Variants in ARHGAP18 observed in about 807,000 individuals in gnomAD.
The protein encoded by ARHGAP18 is Rho GTPase activating protein 18, also known as rho GTPase-activating protein 18.
A neutral mutation model predicts 86.2 loss-of-function variants in ARHGAP18; 67 were observed. The observed-to-expected ratio is 0.78, with a 90% confidence interval of 0.64 to 0.95. The LOEUF (loss-of-function observed/expected upper bound fraction) is 0.95. Ranked by LOEUF, ARHGAP18 falls within the 40% of genes least tolerant of loss-of-function variation. The pLI is 0.00. For synonymous variants in ARHGAP18, 283 were observed against 280.4 expected (o/e 1.01, Z -0.09); for missense variants, 691 against 780.4 (o/e 0.89, Z 1.37).
At chr6:129,632,102 C>A (rs1388045928) in intron 4 of ARHGAP18, among the ~76,000 whole-genome samples, 1 of 152,082 alleles carries the variant, frequency 6.6e-6, no homozygotes, top group East Asian at 1.9e-4. Context: ...CAGAAACAGC[C>A]CCACTTTTGA....
At chr6:129,707,322 G>C (rs1562731652) in intron 1 of ARHGAP18, among the ~76,000 whole-genome samples, 2 of 151,952 alleles carry the variant, frequency 1.3e-5, no homozygotes, top group Admixed American at 6.6e-5. Context: ...TTCATCTCAT[G>C]AACTAAATAT....
At chr6:129,618,887 CA>C (rs781448885) in intron 5 of ARHGAP18, 35 bp from the exon 6 acceptor site, 1 of 1,581,930 alleles carries the variant, frequency 6.3e-7, no homozygotes, top group Non-Finnish European at 8.6e-7. Context: ...TAAAAGCTTA[CA>C]GTACCTAACC....
At chr6:129,662,688 A>G (rs986746945) in intron 1 of ARHGAP18, among the ~76,000 whole-genome samples, 1 of 152,204 alleles carries the variant, frequency 6.6e-6, no homozygotes, top group South Asian at 2.1e-4. Context: ...AAATCAGGGT[A>G]CCTACAGCTC....
At chr6:129,625,837 TTTATATA>T (rs1261467782) in intron 5 of ARHGAP18, among the ~76,000 whole-genome samples, 4 of 80,740 alleles carry the variant, frequency 5.0e-5, no homozygotes, top group Non-Finnish European at 9.0e-5. Context: ...ATATTATACA[TTTATATA>T]TTATATATTA....
intron 10 of ARHGAP18, among the ~76,000 whole-genome samples, chr6:129,601,089 T>C (rs1184567692): frequency 6.6e-6 from 1 of 152,134 alleles, no homozygotes. Context: ...GGCACATAGC[T>C]GAACTAGGGA....
intron 1 of ARHGAP18, among the ~76,000 whole-genome samples, chr6:129,680,297 C>G (rs1023077462): frequency 7.2e-5 from 11 of 152,200 alleles, no homozygotes; most frequent in Admixed American, 5.9e-4. Context: ...AGAGCATTTA[C>G]AGTTCTGCTC....
At chr6:129,694,290 AG>A (rs1441650173) in intron 1 of ARHGAP18, among the ~76,000 whole-genome samples, 1 of 152,232 alleles carries the variant, frequency 6.6e-6, no homozygotes, top group African/African-American at 2.4e-5. Context: ...CAAATTGCCT[AG>A]GTCTAAATCT....
chr6:129,648,282 C>T (rs1388040471), intron 1 of ARHGAP18, among the ~76,000 whole-genome samples: 2 of 151,822 alleles, frequency 1.3e-5, no homozygotes, highest in East Asian at 4.0e-4. Context: ...GCGATCCTCC[C>T]AACTTAGCCT....
chr6:129,609,192 G>A (rs1788925926), intron 8 of ARHGAP18, among the ~76,000 whole-genome samples: 1 of 151,628 alleles, frequency 6.6e-6, no homozygotes, highest in Non-Finnish European at 1.5e-5. Context: ...GGAGGGAGAG[G>A]GAGAGAGAAT....
intron 1 of ARHGAP18, among the ~76,000 whole-genome samples, chr6:129,706,415 AG>A (rs1774803146): frequency 6.6e-6 from 1 of 152,220 alleles, no homozygotes; most frequent in Non-Finnish European, 1.5e-5. Context: ...AAAGAAAAAC[AG>A]GATTCTATAA....
At chr6:129,667,802 G>C (rs1228296912) in intron 1 of ARHGAP18, among the ~76,000 whole-genome samples, 1 of 152,080 alleles carries the variant, frequency 6.6e-6, no homozygotes, top group Non-Finnish European at 1.5e-5. Flanking sequence ...TTGGCCAAGA[G>C]GAGGAAGGTT....
chr6:129,675,687 T>A (rs1338466586), intron 1 of ARHGAP18, among the ~76,000 whole-genome samples: 1 of 152,184 alleles, frequency 6.6e-6, no homozygotes, highest in East Asian at 1.9e-4. Context: ...TTCCCAGCCC[T>A]AAGACATTAT....
At chr6:129,590,490 G>T (rs1238350825) in intron 12 of ARHGAP18, among the ~76,000 whole-genome samples, 1 of 152,094 alleles carries the variant, frequency 6.6e-6, no homozygotes, top group African/African-American at 2.4e-5. Flanking sequence ...TACACAGGCT[G>T]GTTTTTGCCA....
At chr6:129,650,280 C>G (rs1174527469) in intron 1 of ARHGAP18, among the ~76,000 whole-genome samples, 1 of 151,878 alleles carries the variant, frequency 6.6e-6, no homozygotes, top group Non-Finnish European at 1.5e-5. Flanking sequence ...ACCACCAGGT[C>G]TTGTAGAAAA....
At chr6:129,656,651 TAATAAAA>T (rs1280006642) in intron 1 of ARHGAP18, among the ~76,000 whole-genome samples, 2 of 142,036 alleles carry the variant, frequency 1.4e-5, no homozygotes, top group Admixed American at 1.4e-4. Flanking sequence ...CTCAAAAAAA[TAATAAAA>T]AATAAAAAAT....
chr6:129,710,083 G>A lies in ARHGAP18; in HGVS notation c.54C>T (p.Ser18=), dbSNP rs767275285. 1.5e-5 allele frequency: 25 copies of A among 1,613,966 alleles called. No individual in the cohort carries two copies. The African/African-American group carries it at 3.2e-4, about 21-fold the overall frequency. ...QGVVLTAYHP[S]GKDQTVGNSH... ...TGTTCCCGACGGTCTGGTCCTTGCCGCTGGGGTGGTAGGCTGTTAGTACCA... is the reference window on the plus strand; with the variant it reads ...TGTTCCCGACGGTCTGGTCCTTGCCACTGGGGTGGTAGGCTGTTAGTACCA... Residue 18 remains serine (S), a synonymous_variant, in exon 1 of 15, where the codon AGC becomes AGT. Transcript: ENST00000368149.
At chr6:129,627,681 G>A (rs973699499) in intron 5 of ARHGAP18, among the ~76,000 whole-genome samples, 4 of 151,862 alleles carry the variant, frequency 2.6e-5, no homozygotes, top group African/African-American at 9.7e-5. Flanking sequence ...GAAAGAGAGA[G>A]AGGGAGAGAG....
At chr6:129,658,738 T>C (rs892321293) in intron 1 of ARHGAP18, among the ~76,000 whole-genome samples, 1 of 152,194 alleles carries the variant, frequency 6.6e-6, no homozygotes, top group Non-Finnish European at 1.5e-5. Context: ...AAGAGAATCA[T>C]CTCAAAAACA....
rs563560486 is a variant in ARHGAP18 at position 129,587,589 on chromosome 6, C to T, written c.1714-3477G>A. On this transcript the variant is annotated intron_variant, in intron 12 of 14. Transcript: ENST00000368149. ...AATCATGGCAGAAGGCACCTCTTCACAGGACAGCAGGAGAGAGAAATGTCA... is the reference window on the plus strand; with the variant it reads ...AATCATGGCAGAAGGCACCTCTTCATAGGACAGCAGGAGAGAGAAATGTCA... Among the ~76,000 whole-genome samples the T allele has an allele frequency of 8.5e-5, 13 of 152,262 alleles. No homozygotes were observed. In the East Asian group the frequency reaches 2.5e-3, roughly 29 times the overall value.
Sources: gnomAD v4.1 joint callset for allele counts (sites outside exome capture counted in the v4.1 genomes callset) on GRCh38, gnomAD v4.1.1 for gene constraint, MANE v1.5 for transcripts, NCBI Gene and HGNC (gene_info 2026-07-23, HGNC 2026-07-21) for gene names.